FRMD7: variants seen among roughly 807,000 people sequenced by gnomAD.
FRMD7 encodes FERM domain containing 7.
Under a neutral mutation model 44.1 loss-of-function variants are expected in FRMD7, and 14 were observed. The observed-to-expected ratio is 0.32, with a 90% CI of 0.21 to 0.50. FRMD7 has a LOEUF of 0.50. FRMD7 is among the 20% of genes least tolerant of loss of function. FRMD7 has a pLI of 0.99. For missense variants in FRMD7, 501 were observed against 522.3 expected, an observed-to-expected ratio of 0.96 and a Z score of 0.40; for synonymous variants, 212 against 187.4, an observed-to-expected ratio of 1.13 and a Z score of -1.07.
chrX:132,110,085 A>G (rs1163424582), intron 1 of FRMD7, among the ~76,000 whole-genome samples: 1 of 111,225 alleles, frequency 9.0e-6, no homozygotes, highest in African/African-American at 3.3e-5. Context: ...ACTGCTGCCC[A>G]AGCTGTAAAG....
chrX:132,113,582 C>A (rs1931480692), intron 1 of FRMD7, among the ~76,000 whole-genome samples: 1 of 111,630 alleles, frequency 9.0e-6, no homozygotes, highest in South Asian at 3.8e-4. Context: ...ACAGCTAGAA[C>A]TTGTTTTTTT....
intron 1 of FRMD7, among the ~76,000 whole-genome samples, chrX:132,103,361 A>T (rs1240481799): frequency 1.8e-5 from 2 of 111,007 alleles, no homozygotes; most frequent in Non-Finnish European, 3.8e-5. Context: ...TTAAGCTGGT[A>T]CTTTTCAATA....
At chrX:132,110,705 G>C (rs748887658) in intron 1 of FRMD7, among the ~76,000 whole-genome samples, 39 of 112,123 alleles carry the variant, frequency 3.5e-4, no homozygotes, top group Non-Finnish European at 3.6e-4. Flanking sequence ...ACCTATCTGA[G>C]AGTGGGGATG....
chrX:132,096,569 T>G (rs1321764015), intron 4 of FRMD7, among the ~76,000 whole-genome samples: 1 of 100,617 alleles, frequency 9.9e-6, no homozygotes, highest in Non-Finnish European at 2.0e-5. Context: ...AAAAAAAACC[T>G]TAAAAATTAG....
chrX:132,083,621 T>C (rs756880615), intron 8 of FRMD7, among the ~76,000 whole-genome samples: 1 of 111,984 alleles, frequency 8.9e-6, no homozygotes, highest in Non-Finnish European at 1.9e-5. Flanking sequence ...CTTCAGTAGG[T>C]CAAAAATTAG....
chrX:132,084,638 T>C, intron 7 of FRMD7, 53 bp from the exon 8 acceptor site: 1 of 738,458 alleles, frequency 1.4e-6, no homozygotes, highest in Non-Finnish European at 2.2e-6. Context: ...AGTTGGCTTG[T>C]AAGACAGTGC....
At chrX:132,089,314 A>T (rs1928094932) in intron 5 of FRMD7, among the ~76,000 whole-genome samples, 1 of 111,968 alleles carries the variant, frequency 8.9e-6, no homozygotes, top group African/African-American at 3.2e-5. Context: ...ATGAAGTCGG[A>T]CCCCTACCTC....
chrX:132,117,205 G>T lies in FRMD7; in HGVS notation c.57+10583C>A, dbSNP rs183556370. ...AAAGAGTAATAATTGTAGGCTAGTAGGGAATGGGGTTGATATTTTGGAGCA... is the reference window on the plus strand; with the variant it reads ...AAAGAGTAATAATTGTAGGCTAGTATGGAATGGGGTTGATATTTTGGAGCA... On this transcript the variant is annotated intron_variant, in intron 1 of 11. Transcript: ENST00000298542. Among the ~76,000 whole-genome samples the T allele has an allele frequency of 1.1e-4, 12 of 111,940 alleles. No homozygotes were observed. The Admixed American group carries it at 1.1e-3, about 11-fold the overall frequency.
intron 1 of FRMD7, among the ~76,000 whole-genome samples, chrX:132,120,108 T>C (rs1928997764): frequency 8.9e-6 from 1 of 111,903 alleles, no homozygotes; most frequent in Admixed American, 9.5e-5. Context: ...CCAAGACAAT[T>C]TGGACTCAGC....
At chrX:132,091,173 T>A (rs925387417) in intron 5 of FRMD7, among the ~76,000 whole-genome samples, 6 of 111,574 alleles carry the variant, frequency 5.4e-5, no homozygotes, top group Middle Eastern at 4.6e-3. Context: ...TATGCTTTTT[T>A]AAAAAAGAGA....
At position 132,078,378 on chromosome X, in the gene FRMD7, G is replaced by A; in HGVS notation, c.1639C>T (p.Leu547=). The change falls in exon 12 of 12, where the codon CTG becomes TTG. Residue 547 remains leucine (L), a synonymous_variant. Transcript: ENST00000298542. ...NIRMKSFQQD[L]QVLQEAIART... The stretch of plus-strand genomic sequence containing the variant: ...GCTATAGCTTCTTGGAGTACTTGCA[G>A]GTCTTGCTGAAAGCTCTTCATTCTG... 1 of 1,211,264 alleles carries A rather than the reference G, an allele frequency of 8.3e-7. No homozygotes were observed. The highest frequency in any genetic ancestry group is 1.1e-6 in the Non-Finnish European group (1 of 895,067).
intron 3 of FRMD7, 50 bp downstream of exon 3, chrX:132,099,418 C>G (rs1385775415): frequency 9.6e-7 from 1 of 1,042,577 alleles, no homozygotes; most frequent in Non-Finnish European, 1.3e-6. Flanking sequence ...TGAAACCTTT[C>G]TCAAGCTCTA....
At chrX:132,127,664 A>C (rs1929188510) in intron 1 of FRMD7, 124 bp downstream of exon 1, 2 of 588,980 alleles carry the variant, frequency 3.4e-6, no homozygotes, top group Non-Finnish European at 6.0e-6. Context: ...TCCAAAGCTA[A>C]AAATCACAGT....
intron 1 of FRMD7, among the ~76,000 whole-genome samples, chrX:132,122,276 G>A (rs1053143615): frequency 8.9e-6 from 1 of 111,757 alleles, no homozygotes; most frequent in African/African-American, 3.2e-5. Context: ...TAGTGATAAG[G>A]GCACATCCTC....
At chrX:132,079,057 G>A in intron 11 of FRMD7, 91 bp from the exon 12 acceptor site, 1 of 765,066 alleles carries the variant, frequency 1.3e-6, no homozygotes, top group South Asian at 2.1e-5. Context: ...AGTTTGAAAG[G>A]TAGTTTTTCA....
At chrX:132,082,002 C>T (rs1382200067) in intron 9 of FRMD7, among the ~76,000 whole-genome samples, 4 of 111,966 alleles carry the variant, frequency 3.6e-5, no homozygotes, top group Non-Finnish European at 7.5e-5. Flanking sequence ...AGTGCTTTCT[C>T]ATGCTAGCTT....
intron 1 of FRMD7, among the ~76,000 whole-genome samples, chrX:132,123,365 A>C (rs1243991122): frequency 8.9e-6 from 1 of 111,918 alleles, no homozygotes. Context: ...ATAAGTGATT[A>C]GTCCAAGATT....
intron 1 of FRMD7, among the ~76,000 whole-genome samples, chrX:132,117,911 A>G (rs1310533605): frequency 1.8e-5 from 2 of 112,304 alleles, no homozygotes; most frequent in African/African-American, 6.5e-5. Flanking sequence ...ACATTTTTCC[A>G]GAAACTGAAT....
At chrX:132,105,516 A>C (rs931127309) in intron 1 of FRMD7, among the ~76,000 whole-genome samples, 5 of 111,857 alleles carry the variant, frequency 4.5e-5, no homozygotes, top group Non-Finnish European at 7.5e-5. Context: ...ATTTTTTTAA[A>C]TTCACGTTGA....
Sources: allele counts gnomAD v4.1 joint callset (sites outside exome capture counted in the v4.1 genomes callset), GRCh38; gene constraint gnomAD v4.1.1; transcripts MANE v1.5; gene names NCBI Gene and HGNC (gene_info 2026-07-23, HGNC 2026-07-21).